Variants in VAV2 observed in about 807,000 individuals in gnomAD.
VAV2 encodes the protein vav guanine nucleotide exchange factor 2, also known as guanine nucleotide exchange factor VAV2.
Under a neutral mutation model 132.5 loss-of-function variants are expected in VAV2, and 67 were observed. The observed-to-expected ratio is 0.51, with a 90% CI of 0.42 to 0.62. VAV2 has a LOEUF of 0.62. Among genes scored for constraint, VAV2 ranks in the 20% least tolerant of loss-of-function variants. The pLI, the probability that VAV2 is intolerant of heterozygous loss-of-function variation, is 0.00. For synonymous variants in VAV2, 492 were observed against 443.5 expected, an observed-to-expected ratio of 1.11 and a Z score of -1.37; for missense variants, 938 against 1,153.6, an observed-to-expected ratio of 0.81 and a Z score of 2.71.
intron 3 of VAV2, among the ~76,000 whole-genome samples, chr9:133,846,114 G>A (rs1266113819): frequency 2.6e-5 from 4 of 152,196 alleles, no homozygotes; most frequent in African/African-American, 9.7e-5. Context: ...ACAAGATGGG[G>A]TTCCGTCTCC....
chr9:133,844,830 G>C (rs1346873474), intron 3 of VAV2, among the ~76,000 whole-genome samples: 1 of 152,220 alleles, frequency 6.6e-6, no homozygotes, highest in Non-Finnish European at 1.5e-5. Context: ...GCAAGGCTTG[G>C]GTCTGCCCAA....
intron 2 of VAV2, among the ~76,000 whole-genome samples, chr9:133,870,936 AT>A (rs1175014474): frequency 2.1e-5 from 1 of 47,316 alleles, no homozygotes; most frequent in Non-Finnish European, 3.9e-5. Context: ...GGATGAGTGG[AT>A]GGATGGGCAG....
intron 4 of VAV2, among the ~76,000 whole-genome samples, chr9:133,820,107 G>C (rs1449929408): frequency 6.6e-6 from 1 of 152,128 alleles, no homozygotes; most frequent in Non-Finnish European, 1.5e-5. Context: ...GTCCAAGTGG[G>C]GAGACTGACT....
Position 133,788,590 on chromosome 9 carries a change from T to C in VAV2, c.1275-104A>G. ...TGAGGCTCTGGCACGCGGCTCCCTCTCCGGGCGAGCCCTGCCCTCACCTGG... is the reference window on the plus strand; with the variant it reads ...TGAGGCTCTGGCACGCGGCTCCCTCCCCGGGCGAGCCCTGCCCTCACCTGG... On this transcript the variant is annotated intron_variant, in intron 14 of 29. Transcript: ENST00000371850. The surrounding 1 kb of genome is among the most constrained non-coding windows in gnomAD (Gnocchi z 5.3). The C allele has an allele frequency of 3.3e-6, 5 of 1,492,852 alleles. No individual in the cohort carries two copies. The highest frequency in any genetic ancestry group is 4.5e-6 in the Non-Finnish European group (5 of 1,105,620). 92.5% of individuals were successfully genotyped at this position (1,492,852 alleles called of 1,614,324 possible). A position where few individuals can be genotyped will look rare whatever the true frequency, so the allele number is the denominator to read the frequency against.
At chr9:133,949,897 C>G (rs1259617642) in intron 1 of VAV2, among the ~76,000 whole-genome samples, 1 of 152,214 alleles carries the variant, frequency 6.6e-6, no homozygotes, top group Non-Finnish European at 1.5e-5. Context: ...TTAGGGGTTT[C>G]ACGCTCAGCT....
At chr9:133,870,791 G>A (rs1169458305) in intron 2 of VAV2, among the ~76,000 whole-genome samples, 1 of 150,722 alleles carries the variant, frequency 6.6e-6, no homozygotes, top group African/African-American at 2.4e-5. Context: ...GTATGTGGGT[G>A]GATAAGTGGG....
chr9:133,898,784 C>G (rs1444643992), intron 2 of VAV2, among the ~76,000 whole-genome samples: 4 of 149,864 alleles, frequency 2.7e-5, no homozygotes, highest in Non-Finnish European at 4.4e-5. Context: ...CACCACAGGC[C>G]GTGTCGGATC....
intron 3 of VAV2, among the ~76,000 whole-genome samples, chr9:133,839,095 C>CATGG (rs963030600): frequency 2.9e-5 from 4 of 138,578 alleles, no homozygotes; most frequent in South Asian, 4.7e-4. Flanking sequence ...TAGGTGGGTG[C>CATGG]ATGGATGGAT....
rs1834985705 is a variant in VAV2, at chr9:133,802,785, A to C, written c.836+3296T>G. ...CCAGTCCACACAGCCCCAACCTCTC[A>C]AGATGCCCAGGGACAGGCCAGCGTG... On this transcript the variant is annotated intron_variant, in intron 9 of 29. Transcript: ENST00000371850. The surrounding 1 kb of genome is among the most constrained non-coding windows in gnomAD (Gnocchi z 5.8). Among the ~76,000 whole-genome samples, 1 of 152,136 alleles carries C rather than the reference A, an allele frequency of 6.6e-6. No homozygotes were observed. Among genetic ancestry groups the C allele is most frequent in the Non-Finnish European group, 1.5e-5 (1 of 68,004 alleles).
chr9:133,907,556 C>G (rs1839702855), intron 2 of VAV2, among the ~76,000 whole-genome samples: 2 of 152,234 alleles, frequency 1.3e-5, no homozygotes, highest in Admixed American at 6.5e-5. Context: ...TTAAGCTCCA[C>G]CACGTTGGAA....
chr9:133,820,323 CTTTTTCT>C (rs1404652412), intron 4 of VAV2, among the ~76,000 whole-genome samples: 14 of 149,168 alleles, frequency 9.4e-5, no homozygotes, highest in Non-Finnish European at 1.6e-4. Flanking sequence ...GTTTCTTTTT[CTTTTTCT>C]TTTTTTTTTT....
intron 3 of VAV2, among the ~76,000 whole-genome samples, chr9:133,858,073 GAAGAC>G (rs1837452366): frequency 1.3e-5 from 2 of 152,220 alleles, no homozygotes; most frequent in Admixed American, 1.3e-4. Context: ...TCCACATGCC[GAAGAC>G]AAGACTGGCT....
At chr9:133,810,339 C>T (rs1050296224) in intron 5 of VAV2, 134 bp from the exon 6 acceptor site, 18 of 1,423,738 alleles carry the variant, frequency 1.3e-5, no homozygotes, top group Non-Finnish European at 1.5e-5. Context: ...CACGGCCCCT[C>T]GTGCTGCCCA....
At chr9:133,887,123 G>A (rs984438614) in intron 2 of VAV2, among the ~76,000 whole-genome samples, 5 of 152,060 alleles carry the variant, frequency 3.3e-5, no homozygotes, top group East Asian at 1.9e-4. Flanking sequence ...CGCAGAAATC[G>A]CACCTCCTTT....
At position 133,776,091 on chromosome 9, in the gene VAV2, A is replaced by G. The variant is rs1833800954; in HGVS notation, c.1966-11T>C. The G allele has an allele frequency of 6.2e-7, 1 of 1,612,694 alleles. No homozygotes were observed. ...CCGGCTGATGGGCGGCTGGTGGCAG[A>G]GCACAAGAGTGTTAACGGCCCCCCA... On this transcript the variant is annotated splice_polypyrimidine_tract_variant and intron_variant, in intron 23 of 29. Transcript: ENST00000371850.
At chr9:133,871,440 TGATG>T (rs1168624120) in intron 2 of VAV2, among the ~76,000 whole-genome samples, 7 of 138,384 alleles carry the variant, frequency 5.1e-5, no homozygotes, top group East Asian at 2.2e-4. Context: ...ATGGATTGAT[TGATG>T]GATGGATGGA....
At chr9:133,956,616 G>A (rs1463321887) in intron 1 of VAV2, among the ~76,000 whole-genome samples, 1 of 152,248 alleles carries the variant, frequency 6.6e-6, no homozygotes, top group Non-Finnish European at 1.5e-5. Context: ...GTCAGAAAAT[G>A]CGAAGATCAA....
chr9:133,816,711 C>T lies in VAV2; in HGVS notation c.450-4495G>A, dbSNP rs138039018. 4.0e-3 allele frequency among the ~76,000 whole-genome samples: 605 copies of T among 152,232 alleles called. 1 individual carries two copies. Among genetic ancestry groups the T allele is most frequent in the African/African-American group, 0.014 (582 of 41,524 alleles). ...TCGTGCCACTGCACTCCAACCTGGGCGACAGAGTGAGACCCTGACTCTTAG... is the reference window on the plus strand; with the variant it reads ...TCGTGCCACTGCACTCCAACCTGGGTGACAGAGTGAGACCCTGACTCTTAG... On this transcript the variant is annotated intron_variant, in intron 4 of 29. Transcript: ENST00000371850.
At chr9:133,835,492 C>T (rs1202665514) in intron 3 of VAV2, among the ~76,000 whole-genome samples, 1 of 152,174 alleles carries the variant, frequency 6.6e-6, no homozygotes, top group Non-Finnish European at 1.5e-5. Flanking sequence ...ACGCTATGGG[C>T]CAAATCCACT....
Sources: gnomAD v4.1 joint callset for allele counts (sites outside exome capture counted in the v4.1 genomes callset) on GRCh38, gnomAD v4.1.1 for gene constraint, Gnocchi (gnomAD v3.1) non-coding constraint, MANE v1.5 for transcripts, NCBI Gene and HGNC (gene_info 2026-07-23, HGNC 2026-07-21) for gene names.